Variants in EXOC4 observed in about 807,000 individuals in gnomAD.
EXOC4 encodes SEC8-like 1.
In EXOC4, 71 loss-of-function variants were observed where a neutral mutation model predicts 107.2. The ratio of observed to expected loss-of-function variants is 0.66; its 90% confidence interval spans 0.55 to 0.81. The LOEUF (loss-of-function observed/expected upper bound fraction) is 0.81. Among genes scored for constraint, EXOC4 ranks in the 30% least tolerant of loss-of-function variants. EXOC4 has a pLI of 0.00. For missense variants in EXOC4, 1,108 were observed against 1,189.6 expected (o/e 0.93, Z 1.01); for synonymous variants, 456 against 441.2 (o/e 1.03, Z -0.42).
chr7:133,782,852 G>T (rs1796496468), intron 10 of EXOC4, among the ~76,000 whole-genome samples: 1 of 152,136 alleles, frequency 6.6e-6, no homozygotes, highest in South Asian at 2.1e-4. Context: ...AGTCTCCATA[G>T]ACCTTCCCTC....
chr7:133,774,375 A>AT (rs1204368511), intron 10 of EXOC4, among the ~76,000 whole-genome samples: 1 of 152,168 alleles, frequency 6.6e-6, no homozygotes, highest in African/African-American at 2.4e-5. Flanking sequence ...GTAGAATGAC[A>AT]TTGAATAAAG....
intron 7 of EXOC4, 76 bp downstream of exon 7, chr7:133,375,078 A>T (rs1043989098): frequency 8.2e-7 from 1 of 1,224,706 alleles, no homozygotes; most frequent in African/African-American, 1.5e-5. Context: ...AGCAACAACA[A>T]GCCACCTAAA....
chr7:133,344,818 C>T lies in EXOC4; in HGVS notation c.764-11512C>T, dbSNP rs1158365570. On this transcript the variant is annotated intron_variant, in intron 5 of 17. Transcript: ENST00000253861. ...TTAAGTTCATCACTAATTCCCTTCTCTCTTTGTTATAGTTTTTCACATTCT... is the reference window on the plus strand; with the variant it reads ...TTAAGTTCATCACTAATTCCCTTCTTTCTTTGTTATAGTTTTTCACATTCT... Among the ~76,000 whole-genome samples, 8 of 152,178 alleles carry T rather than the reference C, an allele frequency of 5.3e-5. 1 individual carries two copies. The highest frequency in any genetic ancestry group is 1.5e-5 in the Non-Finnish European group (1 of 68,038).
intron 9 of EXOC4, among the ~76,000 whole-genome samples, chr7:133,513,018 T>C (rs999215499): frequency 6.6e-6 from 1 of 151,946 alleles, no homozygotes; most frequent in African/African-American, 2.4e-5. Flanking sequence ...GGCAGGAGAA[T>C]CACTTGAACC....
chr7:134,084,733 C>G, the EXOC4 span, among the ~76,000 whole-genome samples: 23 of 115,228 alleles, frequency 2.0e-4, no homozygotes, highest in African/African-American at 1.0e-3. Flanking sequence ...AAAAAAAATT[C>G]ACCAAAAGGA....
At chr7:133,253,258 G>C in intron 1 of EXOC4, 71 bp downstream of exon 1, 1 of 1,559,000 alleles carries the variant, frequency 6.4e-7, no homozygotes, top group Non-Finnish European at 8.7e-7. Context: ...AAGGGAGAAG[G>C]GTTAGCTGGG....
chr7:133,569,128 G>T (rs778285252), intron 9 of EXOC4, among the ~76,000 whole-genome samples: 2 of 147,754 alleles, frequency 1.4e-5, no homozygotes, highest in Non-Finnish European at 3.0e-5. Flanking sequence ...CTCCCTTTGA[G>T]AAAAAAAAGA....
intron 13 of EXOC4, among the ~76,000 whole-genome samples, chr7:133,920,013 CAAGA>C (rs1413947371): frequency 1.3e-5 from 2 of 152,198 alleles, no homozygotes; most frequent in African/African-American, 4.8e-5. Context: ...CAGCAAGGAA[CAAGA>C]GCTCCTGTTT....
intron 7 of EXOC4, among the ~76,000 whole-genome samples, chr7:133,460,993 T>G (rs555100376): frequency 6.6e-6 from 1 of 152,166 alleles, no homozygotes; most frequent in Non-Finnish European, 1.5e-5. Flanking sequence ...AATAATCATC[T>G]GTGGGTCCTC....
chr7:133,793,211 C>A (rs1203644291), intron 10 of EXOC4, among the ~76,000 whole-genome samples: 1 of 152,160 alleles, frequency 6.6e-6, no homozygotes, highest in Non-Finnish European at 1.5e-5. Context: ...TTCATCAATA[C>A]TTTTAATTCT....
chr7:133,906,038 G>T (rs372454226), intron 12 of EXOC4, among the ~76,000 whole-genome samples: 1 of 152,160 alleles, frequency 6.6e-6, no homozygotes, highest in African/African-American at 2.4e-5. Flanking sequence ...GTGTGGTTGG[G>T]TAGAAATGGG....
At chr7:134,073,423 C>A in the EXOC4 span, among the ~76,000 whole-genome samples, 203 of 151,876 alleles carry the variant, frequency 1.3e-3, no homozygotes, top group Non-Finnish European at 2.6e-3. Context: ...AAGCCTGCTT[C>A]CATTTTAGCT....
the EXOC4 span, among the ~76,000 whole-genome samples, chr7:134,073,230 A>AAAAAAAAAAAAAAAAAAAAAC: frequency 1.6e-4 from 3 of 18,424 alleles, no homozygotes; most frequent in African/African-American, 8.1e-4. Context: ...AAAAAAAAAA[A>AAAAAAAAAAAAAAAAAAAAAC]AACAACAAAG....
intron 13 of EXOC4, among the ~76,000 whole-genome samples, chr7:133,933,540 C>T (rs1458417177): frequency 6.6e-6 from 1 of 152,118 alleles, no homozygotes; most frequent in East Asian, 1.9e-4. Context: ...CTGTTTCACT[C>T]AAAAATACAT....
At chr7:133,627,510 G>A (rs1413414097) in intron 9 of EXOC4, among the ~76,000 whole-genome samples, 2 of 152,062 alleles carry the variant, frequency 1.3e-5, no homozygotes, top group African/African-American at 2.4e-5. Context: ...TTATTTATCT[G>A]TTCCTGAAGT....
At chr7:133,933,670 C>T (rs1042211406) in intron 13 of EXOC4, among the ~76,000 whole-genome samples, 1 of 152,190 alleles carries the variant, frequency 6.6e-6, no homozygotes, top group Non-Finnish European at 1.5e-5. Flanking sequence ...ATTCTGGCTG[C>T]GAGGTCTTCT....
chr7:134,073,206 A>AAG, the EXOC4 span, among the ~76,000 whole-genome samples: 1 of 8,772 alleles, frequency 1.1e-4, no homozygotes, highest in East Asian at 3.9e-3. Context: ...ACTTCCTCTC[A>AAG]AAAAAAAAAA....
At chr7:133,647,663 C>A (rs1803027338) in intron 10 of EXOC4, among the ~76,000 whole-genome samples, 1 of 152,114 alleles carries the variant, frequency 6.6e-6, no homozygotes, top group Non-Finnish European at 1.5e-5. Flanking sequence ...CTCGAGGACT[C>A]TTCCATAGTG....
intron 7 of EXOC4, among the ~76,000 whole-genome samples, chr7:133,415,554 T>C (rs1797455492): frequency 1.3e-5 from 2 of 152,170 alleles, no homozygotes. Flanking sequence ...ATTGACTGTA[T>C]ATAGATTTGT....
Sources: gnomAD v4.1 joint callset for allele counts (sites outside exome capture counted in the v4.1 genomes callset) on GRCh38, gnomAD v4.1.1 for gene constraint, MANE v1.5 for transcripts, NCBI Gene and HGNC (gene_info 2026-07-23, HGNC 2026-07-21) for gene names.